Variants in C1QTNF3 observed in about 807,000 individuals in gnomAD.
The protein encoded by C1QTNF3 is complement C1q tumor necrosis factor-related protein 3.
In C1QTNF3, 26 loss-of-function variants were observed where a neutral mutation model predicts 32.6. The ratio of observed to expected loss-of-function variants is 0.80; its 90% CI spans 0.58 to 1.11. The LOEUF (loss-of-function observed/expected upper bound fraction) is 1.11. Ranked by LOEUF, C1QTNF3 falls within the 50% of genes least tolerant of loss-of-function variation. The probability of loss-of-function intolerance (pLI) is 0.00; values close to 1 mark genes in which losing one functional copy is unlikely to be tolerated. For synonymous variants in C1QTNF3, 155 were observed against 146.0 expected (o/e 1.06, Z -0.44); for missense variants, 362 against 398.2 (o/e 0.91, Z 0.77).
At chr5:34,025,411 AC>A (rs1259916212) in intron 4 of C1QTNF3, among the ~76,000 whole-genome samples, 3 of 152,210 alleles carry the variant, frequency 2.0e-5, no homozygotes, top group African/African-American at 7.2e-5. Flanking sequence ...AGACTAAAAC[AC>A]CAGATGGTGA....
chr5:34,215,495 T>C, the C1QTNF3 span, among the ~76,000 whole-genome samples: 1 of 152,220 alleles, frequency 6.6e-6, no homozygotes, highest in South Asian at 2.1e-4. Context: ...GTGGCTTCTT[T>C]AACCCACACT....
chr5:34,046,003 A>G (rs914869147), upstream of C1QTNF3, among the ~76,000 whole-genome samples: 1 of 152,208 alleles, frequency 6.6e-6, no homozygotes, highest in Non-Finnish European at 1.5e-5. Context: ...AGACAAAGCC[A>G]ATTAGGTTTC....
intron 1 of C1QTNF3, among the ~76,000 whole-genome samples, chr5:34,037,788 C>G (rs1002552711): frequency 6.6e-6 from 1 of 152,166 alleles, no homozygotes; most frequent in Admixed American, 6.5e-5. Context: ...TGAGGGATTT[C>G]AGGACACTTG....
the C1QTNF3 span, among the ~76,000 whole-genome samples, chr5:34,225,901 A>G: frequency 1.3e-5 from 2 of 149,468 alleles, no homozygotes; most frequent in East Asian, 4.1e-4. Flanking sequence ...TCATCAAAAT[A>G]TTTAAAATTT....
the C1QTNF3 span, among the ~76,000 whole-genome samples, chr5:34,171,664 A>G: frequency 2.6e-5 from 4 of 152,166 alleles, no homozygotes; most frequent in Non-Finnish European, 5.9e-5. Flanking sequence ...GACCATGGGA[A>G]GGCCTTGTAA....
chr5:34,105,110 T>A, the C1QTNF3 span, among the ~76,000 whole-genome samples: 1 of 152,356 alleles, frequency 6.6e-6, no homozygotes, highest in East Asian at 1.9e-4. Flanking sequence ...TAAGTTTTCC[T>A]CTCTGACCAA....
chr5:34,203,023 C>G, the C1QTNF3 span, among the ~76,000 whole-genome samples: 113 of 152,198 alleles, frequency 7.4e-4, no homozygotes, highest in Non-Finnish European at 1.3e-3. Context: ...ATTTTCCAGA[C>G]AAGCACACAC....
At chr5:34,200,621 C>T in the C1QTNF3 span, 9 of 151,984 alleles carry the variant, frequency 5.9e-5, no homozygotes, top group African/African-American at 1.2e-4. Flanking sequence ...AATTTCCATG[C>T]GTAAGAAAAT....
chr5:34,130,049 G>GGA, the C1QTNF3 span, among the ~76,000 whole-genome samples: 9 of 151,366 alleles, frequency 5.9e-5, no homozygotes, highest in Admixed American at 5.9e-4. Flanking sequence ...ATGGCATCTG[G>GGA]GAGTTCATAT....
chr5:34,120,710 C>T, the C1QTNF3 span, among the ~76,000 whole-genome samples: 3 of 152,192 alleles, frequency 2.0e-5, no homozygotes, highest in African/African-American at 4.8e-5. Flanking sequence ...TTTTGTCTAA[C>T]GCCATGTGAG....
chr5:34,200,551 C>T, the C1QTNF3 span: 15 of 152,126 alleles, frequency 9.9e-5, no homozygotes, highest in Middle Eastern at 3.4e-3. Flanking sequence ...GCAATTCCAC[C>T]GATTTCATTC....
chr5:34,227,563 T>C, the C1QTNF3 span, among the ~76,000 whole-genome samples: 86 of 151,952 alleles, frequency 5.7e-4, no homozygotes, highest in South Asian at 0.016. Flanking sequence ...TCTCCAAAAA[T>C]TTTCTAATAT....
At position 34,035,662 on chromosome 5, in the gene C1QTNF3, G is replaced by T. The variant is rs768912465; in HGVS notation, c.400C>A (p.Pro134Thr). ...GYQGPPGPPG[P>T]PGIPGNHGNN... ...TCATCCTTACCTGGAATGCCAGGAG[G>T]GCCCGGTGGCCCAGGGGGGCCTTGG... Residue 134 changes from proline to threonine, a missense_variant, in exon 2 of 6, where the codon CCT (proline) becomes ACT (threonine). Coordinates refer to ENST00000382065, the MANE Select transcript of C1QTNF3 (RefSeq NM_181435.6). The T allele has an allele frequency of 6.2e-7, 1 of 1,610,286 alleles. No homozygotes were observed. The highest frequency in any genetic ancestry group is 8.5e-7 in the Non-Finnish European group (1 of 1,178,356).
chr5:34,162,414 A>T, the C1QTNF3 span, among the ~76,000 whole-genome samples: 1 of 152,158 alleles, frequency 6.6e-6, no homozygotes, highest in Admixed American at 6.6e-5. Context: ...ACCTCTTATT[A>T]GGCCCTAACT....
At chr5:34,191,914 A>C in the C1QTNF3 span, 1 of 708,926 alleles carries the variant, frequency 1.4e-6, no homozygotes, top group African/African-American at 1.8e-5. Flanking sequence ...AGCTGCAAGC[A>C]GGGATGCCGG....
At chr5:34,128,326 A>C in the C1QTNF3 span, among the ~76,000 whole-genome samples, 3 of 152,208 alleles carry the variant, frequency 2.0e-5, no homozygotes, top group African/African-American at 7.2e-5. Flanking sequence ...GCTGTCGTGG[A>C]AACCTCTATG....
the C1QTNF3 span, chr5:34,165,412 T>C: frequency 6.6e-6 from 1 of 152,138 alleles, no homozygotes; most frequent in Non-Finnish European, 1.5e-5. Context: ...TATGTATACG[T>C]GTAGGTTCTG....
the C1QTNF3 span, among the ~76,000 whole-genome samples, chr5:34,228,949 G>A: frequency 3.3e-5 from 5 of 151,090 alleles, no homozygotes; most frequent in Admixed American, 3.3e-4. Flanking sequence ...TCCTTAGGAT[G>A]CCAATTAGAG....
chr5:34,080,637 T>C, the C1QTNF3 span, among the ~76,000 whole-genome samples: 2 of 151,782 alleles, frequency 1.3e-5, no homozygotes, highest in Non-Finnish European at 2.9e-5. Flanking sequence ...CAGAGAGCTA[T>C]AGATATATCA....
Sources: gnomAD v4.1 joint callset for allele counts (sites outside exome capture counted in the v4.1 genomes callset) on GRCh38, gnomAD v4.1.1 for gene constraint, MANE v1.5 for transcripts, NCBI Gene and HGNC (gene_info 2026-07-23, HGNC 2026-07-21) for gene names.